The following ZNF385D variants were observed in gnomAD, a reference collection of about 807,000 sequenced individuals.
ZNF385D encodes zinc finger protein 659.
ZNF385D carries 15 observed loss-of-function variants against 35.8 expected under a neutral mutation model. The ratio of observed to expected loss-of-function variants is 0.42; its 90% CI spans 0.28 to 0.64. ZNF385D has a LOEUF of 0.64. Ranked by LOEUF, ZNF385D falls within the 30% of genes least tolerant of loss-of-function variation. ZNF385D has a pLI of 0.23. For missense variants in ZNF385D, 474 were observed against 494.6 expected (o/e 0.96, Z 0.39); for synonymous variants, 212 against 186.8 (o/e 1.13, Z -1.10).
chr3:21,694,493 C>T (rs1034721646), intron 1 of ZNF385D, among the ~76,000 whole-genome samples: 6 of 152,138 alleles, frequency 3.9e-5, no homozygotes, highest in Non-Finnish European at 8.8e-5. Flanking sequence ...TTCTCTCAGC[C>T]CTCTGGAACA....
At chr3:21,819,866 T>C (rs1040730429) in intron 3 of ZNF385D, among the ~76,000 whole-genome samples, 18 of 148,292 alleles carry the variant, frequency 1.2e-4, no homozygotes, top group Non-Finnish European at 2.1e-4. Flanking sequence ...TATACACATA[T>C]ATACACACAT....
chr3:21,685,573 C>T (rs998396909), intron 1 of ZNF385D, among the ~76,000 whole-genome samples: 1 of 152,162 alleles, frequency 6.6e-6, no homozygotes, highest in East Asian at 1.9e-4. Context: ...CTTGCTCCAA[C>T]AAGAGGAAGT....
At chr3:22,206,697 A>G (rs1697178713) in intron 2 of ZNF385D, among the ~76,000 whole-genome samples, 2 of 152,016 alleles carry the variant, frequency 1.3e-5, no homozygotes, top group Non-Finnish European at 2.9e-5. Context: ...TGAAGAGATT[A>G]ATAAGTAAAT....
chr3:21,710,104 C>G (rs116423350), intron 1 of ZNF385D, among the ~76,000 whole-genome samples: 4,007 of 152,132 alleles, frequency 0.026, 157 homozygotes, highest in African/African-American at 0.089. Context: ...ACTACAGAAA[C>G]AGATATCAGA....
At chr3:21,902,464 G>A (rs997598849) in intron 3 of ZNF385D, among the ~76,000 whole-genome samples, 2 of 152,112 alleles carry the variant, frequency 1.3e-5, no homozygotes, top group African/African-American at 4.8e-5. Flanking sequence ...AAATAGCGGA[G>A]TATCTGATGG....
At chr3:21,666,287 G>A (rs1049922156) in intron 1 of ZNF385D, among the ~76,000 whole-genome samples, 11 of 152,276 alleles carry the variant, frequency 7.2e-5, no homozygotes, top group Admixed American at 2.0e-4. Context: ...TAACAAGGTA[G>A]ATGACTTAGT....
chr3:22,132,315 A>T (rs1244192772), intron 3 of ZNF385D, among the ~76,000 whole-genome samples: 4 of 152,180 alleles, frequency 2.6e-5, no homozygotes, highest in Admixed American at 2.6e-4. Context: ...TAAGAAACGG[A>T]CATTCATCAG....
intron 6 of ZNF385D, 26 bp downstream of exon 6, chr3:21,425,466 T>C (rs1456631464): frequency 8.4e-6 from 13 of 1,551,482 alleles, no homozygotes; most frequent in Non-Finnish European, 1.1e-5. Flanking sequence ...TTGTTGGTTT[T>C]CATTCCTAGA....
At chr3:21,761,007 T>C (rs1470170676) in intron 3 of ZNF385D, among the ~76,000 whole-genome samples, 1 of 152,184 alleles carries the variant, frequency 6.6e-6, no homozygotes, top group African/African-American at 2.4e-5. Flanking sequence ...CAAAGTGGCT[T>C]TTGCTTCTCT....
At chr3:21,790,036 T>C (rs1352729972) in intron 3 of ZNF385D, among the ~76,000 whole-genome samples, 2 of 152,116 alleles carry the variant, frequency 1.3e-5, no homozygotes, top group African/African-American at 4.8e-5. Context: ...AACTATTAAA[T>C]GAAAGGGCCA....
chr3:22,050,221 C>CTGTGG (rs1358657799), intron 3 of ZNF385D, among the ~76,000 whole-genome samples: 2 of 151,534 alleles, frequency 1.3e-5, no homozygotes, highest in Non-Finnish European at 2.9e-5. Flanking sequence ...AAGCAGCTCT[C>CTGTGG]TGTGGTGGTA....
chr3:21,857,657 C>A (rs1198863880), intron 3 of ZNF385D, among the ~76,000 whole-genome samples: 1 of 151,892 alleles, frequency 6.6e-6, no homozygotes, highest in Admixed American at 6.6e-5. Context: ...TGGCCCCAGT[C>A]ACACAACCAG....
chr3:21,802,884 C>A lies in ZNF385D; in HGVS notation c.326-137856G>T, dbSNP rs537229316. On this transcript the variant is annotated intron_variant, in intron 3 of 5. Transcript: ENST00000494108. ...ACAGATGTAAGTGCTCAAGGTTTTG[C>A]GTGCAAGTGATTGGGCAAATGCTCC... Among the ~76,000 whole-genome samples the A allele has an allele frequency of 5.9e-5, 9 of 152,178 alleles. No individual in the cohort carries two copies. In the East Asian group the frequency reaches 1.7e-3, roughly 29 times the overall value.
At chr3:21,887,660 T>C (rs1199959144) in intron 3 of ZNF385D, among the ~76,000 whole-genome samples, 3 of 152,080 alleles carry the variant, frequency 2.0e-5, no homozygotes, top group Non-Finnish European at 4.4e-5. Context: ...GTAACAAAGA[T>C]GCTACATAAT....
intron 3 of ZNF385D, among the ~76,000 whole-genome samples, chr3:21,985,672 C>A (rs899219651): frequency 7.0e-6 from 1 of 143,158 alleles, no homozygotes; most frequent in Non-Finnish European, 1.5e-5. Flanking sequence ...CAGGATGATG[C>A]TGGCCTCATA....
chr3:21,939,125 A>G (rs542810837), intron 3 of ZNF385D, among the ~76,000 whole-genome samples: 4 of 152,296 alleles, frequency 2.6e-5, no homozygotes, highest in African/African-American at 9.6e-5. Context: ...AGTGGAGACT[A>G]ATGTGCTGTC....
At chr3:21,649,556 G>A (rs1019968210) in intron 2 of ZNF385D, among the ~76,000 whole-genome samples, 1 of 152,144 alleles carries the variant, frequency 6.6e-6, no homozygotes, top group Admixed American at 6.5e-5. Context: ...ATTTACACAA[G>A]AAGAAATCCT....
At chr3:21,758,337 G>T (rs1450147416) in intron 3 of ZNF385D, among the ~76,000 whole-genome samples, 1 of 152,270 alleles carries the variant, frequency 6.6e-6, no homozygotes, top group Admixed American at 6.5e-5. Context: ...GTTAGTGATT[G>T]GAACATGCCA....
intron 3 of ZNF385D, among the ~76,000 whole-genome samples, chr3:22,159,180 C>T (rs1384469937): frequency 6.6e-6 from 1 of 151,988 alleles, no homozygotes; most frequent in African/African-American, 2.4e-5. Flanking sequence ...GTGCTGTAAG[C>T]TGCCAATACC....
Sources: allele counts gnomAD v4.1 joint callset (sites outside exome capture counted in the v4.1 genomes callset), GRCh38; gene constraint gnomAD v4.1.1; transcripts MANE v1.5; gene names NCBI Gene and HGNC (gene_info 2026-07-23, HGNC 2026-07-21).